Variants in PGM5 observed in about 807,000 individuals in gnomAD.
PGM5 encodes phosphoglucomutase 5, also known as phosphoglucomutase-like protein 5.
A neutral mutation model predicts 59.2 loss-of-function variants in PGM5; 23 were observed. That is an observed-to-expected ratio of 0.39 (90% CI 0.28 to 0.55). PGM5 has a LOEUF of 0.55. PGM5 is among the 20% of genes least tolerant of loss of function. The pLI, the probability that PGM5 is intolerant of heterozygous loss-of-function variation, is 0.66. For missense variants in PGM5, 574 were observed against 748.3 expected (o/e 0.77, Z 2.72); for synonymous variants, 214 against 286.0 (o/e 0.75, Z 2.54).
chr9:68,438,198 A>G (rs532642959), intron 6 of PGM5, among the ~76,000 whole-genome samples: 1 of 150,506 alleles, frequency 6.6e-6, no homozygotes, highest in South Asian at 2.1e-4. Flanking sequence ...CTGAGGCAGG[A>G]CAATCGCTTG....
intron 6 of PGM5, among the ~76,000 whole-genome samples, chr9:68,418,586 T>A (rs1462075581): frequency 1.3e-5 from 2 of 152,056 alleles, no homozygotes; most frequent in South Asian, 2.1e-4. Flanking sequence ...ATGCTGCAGC[T>A]GCTGCTGCAG....
At chr9:68,485,165 C>T (rs1824274515) in intron 9 of PGM5, among the ~76,000 whole-genome samples, 2 of 152,158 alleles carry the variant, frequency 1.3e-5, no homozygotes, top group African/African-American at 2.4e-5. Context: ...TCAGTGTACT[C>T]AGTGCTTGGA....
At chr9:68,445,354 C>A (rs560262911) in intron 6 of PGM5, among the ~76,000 whole-genome samples, 11 of 152,294 alleles carry the variant, frequency 7.2e-5, no homozygotes, top group Non-Finnish European at 1.5e-4. Context: ...AGCTAAAGAC[C>A]TGCACACCAT....
At chr9:68,432,665 G>T (rs1823373996) in intron 6 of PGM5, among the ~76,000 whole-genome samples, 1 of 151,948 alleles carries the variant, frequency 6.6e-6, no homozygotes, top group African/African-American at 2.4e-5. Flanking sequence ...GAGGGCAGTG[G>T]TGCAATCTCG....
chr9:68,446,851 C>A (rs193179696), intron 6 of PGM5, among the ~76,000 whole-genome samples: 8 of 152,262 alleles, frequency 5.3e-5, no homozygotes, highest in Admixed American at 5.2e-4. Context: ...AGCTTTATAT[C>A]GTCTCTCTGG....
intron 6 of PGM5, among the ~76,000 whole-genome samples, chr9:68,454,361 T>C (rs766292838): frequency 3.5e-4 from 53 of 152,140 alleles, no homozygotes; most frequent in Admixed American, 3.5e-3. Flanking sequence ...CTCAAACTAC[T>C]CAGTTTTGAG....
intron 9 of PGM5, among the ~76,000 whole-genome samples, chr9:68,489,138 C>A (rs1401634896): frequency 6.6e-6 from 1 of 152,194 alleles, no homozygotes; most frequent in African/African-American, 2.4e-5. Context: ...ATGATCTTTT[C>A]TCCATCTCTA....
At chr9:68,433,816 G>T (rs1823395615) in intron 6 of PGM5, among the ~76,000 whole-genome samples, 1 of 152,212 alleles carries the variant, frequency 6.6e-6, no homozygotes, top group Non-Finnish European at 1.5e-5. Flanking sequence ...AAATGAAGAG[G>T]TCAGGAAAGA....
chr9:68,525,036 G>T (rs1203844301), intron 10 of PGM5, among the ~76,000 whole-genome samples: 1 of 151,910 alleles, frequency 6.6e-6, no homozygotes, highest in Non-Finnish European at 1.5e-5. Context: ...CCCTCTTTTT[G>T]CTCCTCATTC....
chr9:68,379,029 G>T (rs4014839), intron 2 of PGM5, among the ~76,000 whole-genome samples: 2 of 151,646 alleles, frequency 1.3e-5, no homozygotes, highest in African/African-American at 4.8e-5. Context: ...ATTATAGCAC[G>T]AGAACATTTC....
At chr9:68,418,126 C>G (rs553617446) in intron 6 of PGM5, among the ~76,000 whole-genome samples, 1 of 152,322 alleles carries the variant, frequency 6.6e-6, no homozygotes, top group South Asian at 2.1e-4. Flanking sequence ...TATATCACAT[C>G]CCCATATGTC....
chr9:68,390,180 C>T (rs1317357149), intron 4 of PGM5, among the ~76,000 whole-genome samples: 1 of 152,062 alleles, frequency 6.6e-6, no homozygotes, highest in Non-Finnish European at 1.5e-5. Context: ...ACTCTAAGGG[C>T]TTCTGGCTAG....
chr9:68,384,900 A>G (rs782806039), intron 3 of PGM5, among the ~76,000 whole-genome samples: 149 of 151,136 alleles, frequency 9.9e-4, no homozygotes, highest in Non-Finnish European at 1.7e-3. Flanking sequence ...TAACAAGTCA[A>G]TGGGTTATTA....
intron 7 of PGM5, among the ~76,000 whole-genome samples, chr9:68,467,006 T>A (rs1823945671): frequency 6.6e-6 from 1 of 151,970 alleles, no homozygotes; most frequent in Non-Finnish European, 1.5e-5. Flanking sequence ...GATGAGAAGG[T>A]TTTTAGCGTG....
chr9:68,518,487 A>G (rs1452682026), intron 10 of PGM5, among the ~76,000 whole-genome samples: 4 of 152,234 alleles, frequency 2.6e-5, no homozygotes. Context: ...ACACTGTAAA[A>G]TAGTTATTTT....
At chr9:68,406,012 T>A (rs1822801318) in intron 6 of PGM5, 1 of 152,190 alleles carries the variant, frequency 6.6e-6, no homozygotes, top group Non-Finnish European at 1.5e-5. Flanking sequence ...CTACTACCTA[T>A]ATTTTGGGGT....
In PGM5 at chr9:68,483,096, C is replaced by A. The variant is rs181432258; in HGVS notation, c.1296-769C>A. 2.7e-4 allele frequency among the ~76,000 whole-genome samples: 41 copies of A among 152,092 alleles called. No individual in the cohort carries two copies. In the East Asian group the frequency reaches 7.7e-3, roughly 29 times the overall value. On this transcript the variant is annotated intron_variant, in intron 8 of 10. Transcript: ENST00000396396. The stretch of plus-strand genomic sequence containing the variant: ...TTTCTCTCTTTCCTTCCTTCCTTTC[C>A]TTTCTCCCATTTTTCATTCCATTCT...
chr9:68,408,463 T>C (rs1216045703), intron 6 of PGM5, among the ~76,000 whole-genome samples: 1 of 152,246 alleles, frequency 6.6e-6, no homozygotes, highest in Admixed American at 6.5e-5. Flanking sequence ...CATTGTAGAC[T>C]CTGGATATTA....
At chr9:68,375,451 C>T (rs1821854740) in intron 1 of PGM5, among the ~76,000 whole-genome samples, 1 of 152,206 alleles carries the variant, frequency 6.6e-6, no homozygotes, top group African/African-American at 2.4e-5. Flanking sequence ...TGGCTTTAGC[C>T]TAGTCCAAGA....
Sources: allele counts gnomAD v4.1 joint callset (sites outside exome capture counted in the v4.1 genomes callset), GRCh38; gene constraint gnomAD v4.1.1; transcripts MANE v1.5; gene names NCBI Gene and HGNC (gene_info 2026-07-23, HGNC 2026-07-21).